BMP6: variants seen among roughly 807,000 people sequenced by gnomAD.
BMP6 encodes the protein VG-1-R.
Under a neutral mutation model 54.1 loss-of-function variants are expected in BMP6, and 17 were observed. That is an observed-to-expected ratio of 0.31 (90% CI 0.22 to 0.47). The LOEUF (loss-of-function observed/expected upper bound fraction) is 0.47. Ranked by LOEUF, BMP6 falls within the 20% of genes least tolerant of loss-of-function variation. BMP6 has a pLI of 1.00. For missense variants in BMP6, 720 were observed against 690.4 expected (o/e 1.04, Z -0.48); for synonymous variants, 328 against 291.2 (o/e 1.13, Z -1.28).
chr6:7,806,606 CAAAA>C (rs971249794), intron 1 of BMP6, among the ~76,000 whole-genome samples: 2 of 148,102 alleles, frequency 1.4e-5, no homozygotes, highest in African/African-American at 5.0e-5. Context: ...AAAACAAAAA[CAAAA>C]AAAAACAAGT....
rs543324078 is a variant in BMP6, at chr6:7,798,546, C to G, written c.665-46594C>G. Among the ~76,000 whole-genome samples the G allele has an allele frequency of 9.8e-4, 150 of 152,294 alleles. 1 individual carries two copies. Among genetic ancestry groups the G allele is most frequent in the African/African-American group, 3.6e-3 (150 of 41,576 alleles). On this transcript the variant is annotated intron_variant, in intron 1 of 6. Transcript: ENST00000283147. ...AGCAAAACCACACTAATTTAGGGTT[C>G]GTGTTCTACCTGTTCCCAACAGTCT...
At chr6:7,851,681 G>A (rs1759144568) in intron 2 of BMP6, among the ~76,000 whole-genome samples, 1 of 152,048 alleles carries the variant, frequency 6.6e-6, no homozygotes, top group South Asian at 2.1e-4. Context: ...TCATCATTAA[G>A]AATGATGATT....
At chr6:7,803,120 G>A (rs775553840) in intron 1 of BMP6, among the ~76,000 whole-genome samples, 1 of 152,152 alleles carries the variant, frequency 6.6e-6, no homozygotes, top group South Asian at 2.1e-4. Flanking sequence ...CTCGGGATGG[G>A]GTTGGCCAGG....
chr6:7,813,891 G>A (rs1758483904), intron 1 of BMP6, among the ~76,000 whole-genome samples: 1 of 152,094 alleles, frequency 6.6e-6, no homozygotes, highest in African/African-American at 2.4e-5. Context: ...GGAAAGCCCA[G>A]CTGTTCTTAG....
At chr6:7,810,704 C>G (rs548754906) in intron 1 of BMP6, among the ~76,000 whole-genome samples, 1 of 152,288 alleles carries the variant, frequency 6.6e-6, no homozygotes, top group South Asian at 2.1e-4. Context: ...TTAATAATTG[C>G]ATTCATTGTA....
At chr6:7,781,737 C>T (rs568194899) in intron 1 of BMP6, among the ~76,000 whole-genome samples, 16 of 151,544 alleles carry the variant, frequency 1.1e-4, no homozygotes, top group East Asian at 3.9e-4. Context: ...GTTCCCTGAA[C>T]GAGCAAAAGC....
chr6:7,803,577 C>G (rs1014676470), intron 1 of BMP6, among the ~76,000 whole-genome samples: 1 of 152,322 alleles, frequency 6.6e-6, no homozygotes. Flanking sequence ...ATGCCACTGT[C>G]TCCACCTACA....
intron 1 of BMP6, among the ~76,000 whole-genome samples, chr6:7,813,839 C>G (rs1045576457): frequency 7.2e-5 from 11 of 152,146 alleles, no homozygotes; most frequent in Admixed American, 5.9e-4. Context: ...CTCACCCCTA[C>G]TGCCCCATCA....
chr6:7,743,101 G>A (rs904899795), intron 1 of BMP6, among the ~76,000 whole-genome samples: 1 of 152,048 alleles, frequency 6.6e-6, no homozygotes, highest in East Asian at 1.9e-4. Flanking sequence ...TGTAGCCAAG[G>A]GAAAAATGAA....
At chr6:7,764,928 G>C (rs1444529107) in intron 1 of BMP6, among the ~76,000 whole-genome samples, 1 of 152,158 alleles carries the variant, frequency 6.6e-6, no homozygotes, top group South Asian at 2.1e-4. Flanking sequence ...ATGGCTTGAG[G>C]CTTCCCTTCA....
chr6:7,821,531 G>T (rs1305105979), intron 1 of BMP6, among the ~76,000 whole-genome samples: 2 of 152,124 alleles, frequency 1.3e-5, no homozygotes, highest in Admixed American at 1.3e-4. Flanking sequence ...AATAATAAAA[G>T]AAAAATTAAG....
At chr6:7,740,468 T>C (rs565590014) in intron 1 of BMP6, among the ~76,000 whole-genome samples, 13 of 152,294 alleles carry the variant, frequency 8.5e-5, no homozygotes, top group South Asian at 4.1e-4. Flanking sequence ...ACCCAAAATA[T>C]GTTCAAAATC....
chr6:7,859,044 G>A (rs1038777263), intron 2 of BMP6, among the ~76,000 whole-genome samples: 12 of 152,162 alleles, frequency 7.9e-5, no homozygotes, highest in African/African-American at 2.2e-4. Context: ...CCACATCCAC[G>A]AATCTGCACT....
chr6:7,828,835 G>A (rs975243297), intron 1 of BMP6, among the ~76,000 whole-genome samples: 1 of 152,150 alleles, frequency 6.6e-6, no homozygotes, highest in Non-Finnish European at 1.5e-5. Context: ...ATGTGCAGAT[G>A]CCCCCGATTA....
chr6:7,727,211 G>A lies in BMP6; in HGVS notation c.256G>A (p.Val86Met), dbSNP rs1277672897. ...GGAGATGCAGAAGGAGATCTTGTCG[G>A]TGCTGGGGCTCCCGCACCGGCCCCG... ...KREMQKEILS[V>M]LGLPHRPRPL... The change falls in exon 1 of 7, where the codon GTG (valine) becomes ATG (methionine). Residue 86 changes from valine to methionine, a missense_variant. Val to Met is a conservative substitution (Grantham distance 21, BLOSUM62 1). Around this residue, in one of 3 missense-constraint regions of BMP6, gnomAD observed 650 missense variants for 556.3 expected, o/e 1.17. Coordinates refer to ENST00000283147, the MANE Select transcript of BMP6 (RefSeq NM_001718.6). The A allele has an allele frequency of 1.9e-6, 3 of 1,605,420 alleles. No homozygotes were observed. The highest frequency in any genetic ancestry group is 1.7e-6 in the Non-Finnish European group (2 of 1,176,766).
rs775300325 is a variant in BMP6, at chr6:7,727,387, C to T, written c.432C>T (p.Ser144=). The T allele has an allele frequency of 3.7e-6, 6 of 1,608,092 alleles. No individual in the cohort carries two copies. In the Admixed American group the frequency reaches 6.7e-5, roughly 18 times the overall value. Residue 144 remains serine (S), a synonymous_variant, in exon 1 of 7, where the codon TCC becomes TCT. Transcript: ENST00000283147. ...LFMLDLYNAL[S]ADNDEDGASE... is the part of the protein sequence containing the mutation. ...TGCTGGATCTGTACAACGCCCTGTC[C>T]GCCGACAACGACGAGGACGGGGCGT... is the stretch of plus-strand genomic sequence containing the variant.
Position 7,727,088 on chromosome 6 carries a change from G to C in BMP6, c.133G>C (p.Gly45Arg), listed in dbSNP as rs1350427605. The change falls in exon 1 of 7, where the codon GGG becomes CGG. Residue 45 changes from glycine to arginine, a missense_variant. By Grantham distance (125) the Gly-to-Arg change is moderately radical. Coordinates refer to ENST00000283147, the MANE Select transcript of BMP6 (RefSeq NM_001718.6). Reference protein sequence around the residue: ...AAAAAGGQLLGDGGSPGRTEQ... With the variant: ...AAAAAGGQLLRDGGSPGRTEQ... ...CGCCGCCGCCGGGGGGCAGCTGCTG[G>C]GGGACGGCGGGAGCCCCGGCCGCAC... 7.6e-7 allele frequency: 1 copy of C among 1,319,536 alleles called. No individual in the cohort carries two copies. Among genetic ancestry groups the C allele is most frequent in the African/African-American group, 1.5e-5 (1 of 65,026 alleles). The allele number at this position is 1,319,536 out of a possible 1,614,324, so 81.7% of individuals were successfully genotyped here.
intron 1 of BMP6, among the ~76,000 whole-genome samples, chr6:7,782,749 C>T (rs1757965459): frequency 6.6e-6 from 1 of 151,886 alleles, no homozygotes. Context: ...TGAACTTGCC[C>T]AGGAAAGGAG....
In BMP6 at chr6:7,735,377, C is replaced by T. The variant is rs1450377011; in HGVS notation, c.664+7758C>T. On this transcript the variant is annotated intron_variant, in intron 1 of 6. Coordinates refer to ENST00000283147, the MANE Select transcript of BMP6 (RefSeq NM_001718.6). ...GCCAGGAGATTTCTTATAATATTAG[C>T]CTTGCTTATTCTCTGAGACCAGTTA... Among the ~76,000 whole-genome samples, 3 of 152,250 alleles carry T rather than the reference C, an allele frequency of 2.0e-5. No individual in the cohort carries two copies. The East Asian group carries it at 5.8e-4, about 29-fold the overall frequency.
Sources: allele counts gnomAD v4.1 joint callset (sites outside exome capture counted in the v4.1 genomes callset), GRCh38; gene constraint gnomAD v4.1.1; regional missense constraint gnomAD v4.1.1; transcripts MANE v1.5; gene names NCBI Gene and HGNC (gene_info 2026-07-23, HGNC 2026-07-21).